Variants in PCDHA1 observed in about 807,000 individuals in gnomAD.
PCDHA1 encodes the protein protocadherin alpha 1.
In PCDHA1, 42 loss-of-function variants were observed where a neutral mutation model predicts 61.3. The observed-to-expected ratio is 0.69, with a 90% CI of 0.54 to 0.89. The LOEUF (loss-of-function observed/expected upper bound fraction) is 0.89, where lower values mean the gene tolerates loss of function less well. Among genes scored for constraint, PCDHA1 ranks in the 40% least tolerant of loss-of-function variants. The pLI is 0.00. For missense variants in PCDHA1, 1,256 were observed against 1,235.3 expected (o/e 1.02, Z -0.25); for synonymous variants, 610 against 553.8 (o/e 1.10, Z -1.43).
chr5:140,882,020 C>CA, intron 1 of PCDHA1: 1 of 561,726 alleles, frequency 1.8e-6, no homozygotes, highest in East Asian at 3.1e-5. Context: ...AATACTACAT[C>CA]AATGGAAAAT....
At chr5:140,810,700 C>T (rs1160522767) in intron 1 of PCDHA1, 3 of 151,642 alleles carry the variant, frequency 2.0e-5, no homozygotes, top group Non-Finnish European at 4.4e-5. Flanking sequence ...TTCCATAGAA[C>T]TTTATTTATT....
In PCDHA1 at chr5:140,869,909, G is replaced by A. The variant is rs781996593; in HGVS notation, c.2394+81225G>A. ...GTGCTCAAACTAAACGCCACAGACCGAGACGAAGGAGTCAATGGAGAGGTA... is the reference window on the plus strand; with the variant it reads ...GTGCTCAAACTAAACGCCACAGACCAAGACGAAGGAGTCAATGGAGAGGTA... On this transcript the variant is annotated intron_variant, in intron 1 of 3. Transcript: ENST00000504120. 2.6e-5 allele frequency: 42 copies of A among 1,610,632 alleles called. No individual in the cohort carries two copies. Among genetic ancestry groups the A allele is most frequent in the Non-Finnish European group, 3.1e-5 (36 of 1,178,298 alleles).
At chr5:140,894,405 C>T (rs1277416530) in intron 1 of PCDHA1, among the ~76,000 whole-genome samples, 4 of 151,926 alleles carry the variant, frequency 2.6e-5, no homozygotes, top group African/African-American at 9.7e-5. Flanking sequence ...CTTTGCTTTT[C>T]TTTTGTAGCT....
At chr5:140,813,517 G>T (rs1342300406) in intron 1 of PCDHA1, 1 of 152,142 alleles carries the variant, frequency 6.6e-6, no homozygotes, top group Non-Finnish European at 1.5e-5. Flanking sequence ...ACATTGTACA[G>T]ATTTTTAAAA....
rs145919251 is a variant in PCDHA1, at chr5:140,979,502, C to T, written c.2453+495C>T. On this transcript the variant is annotated intron_variant, in intron 2 of 3. Coordinates refer to ENST00000504120, the MANE Select transcript of PCDHA1 (RefSeq NM_018900.4). Reference sequence around the variant, plus strand: ...GTGTTCACACCTATTAGAGCCTCCTCATCTTTCCCATCTGTTGCTATCTTA... The same window carrying T: ...GTGTTCACACCTATTAGAGCCTCCTTATCTTTCCCATCTGTTGCTATCTTA... 1.1e-3 allele frequency among the ~76,000 whole-genome samples: 170 copies of T among 152,258 alleles called. 4 individuals are homozygous for T. In the East Asian group the frequency reaches 0.028, roughly 25 times the overall value.
chr5:140,808,345 C>T (rs1457386283), intron 1 of PCDHA1: 4 of 1,614,268 alleles, frequency 2.5e-6, no homozygotes, highest in Non-Finnish European at 3.4e-6. Context: ...GGCTGGTCAC[C>T]TGCTCCTTGA....
rs782634367 is a variant in PCDHA1 at position 140,786,572 on chromosome 5, G to T, written c.282G>T (p.Glu94Asp). ...LFVNSRIDRE[E>D]LCQWSAECSI... ...TGAATTCTCGGATCGATCGCGAGGA[G>T]CTGTGCCAGTGGAGCGCGGAGTGCA... is the stretch of plus-strand genomic sequence containing the variant. Residue 94 changes from glutamate to aspartate, a missense_variant, in exon 1 of 4, where the codon GAG becomes GAT. Coordinates refer to ENST00000504120, the MANE Select transcript of PCDHA1 (RefSeq NM_018900.4). 35 of 1,614,272 alleles carry T rather than the reference G, an allele frequency of 2.2e-5. No homozygotes were observed. The highest frequency in any genetic ancestry group is 3.0e-5 in the Non-Finnish European group (35 of 1,180,052).
rs200797202 is a variant in PCDHA1 at position 140,937,911 on chromosome 5, C to CA, written c.2395-41022dup. On this transcript the variant is annotated intron_variant, in intron 1 of 3. Coordinates refer to ENST00000504120, the MANE Select transcript of PCDHA1 (RefSeq NM_018900.4). ...TGGGCGACAGAGTGAGACTCCGTCT[C>CA]AAAAAAAAAAAAAAAAGTTTAATTT... 3.1e-3 allele frequency among the ~76,000 whole-genome samples: 361 copies of CA among 117,828 alleles called. 2 individuals are homozygous for CA. In the East Asian group the frequency reaches 0.042, roughly 14 times the overall value. 77.3% of individuals were successfully genotyped at this position (117,828 alleles called of 152,430 possible).
intron 1 of PCDHA1, chr5:140,829,589 G>A (rs1770412729): frequency 3.7e-6 from 6 of 1,611,976 alleles, no homozygotes; most frequent in Non-Finnish European, 5.1e-6. Flanking sequence ...GCGGCGGGTG[G>A]GCGAGCGCGC....
At chr5:140,898,930 G>A (rs2067050521) in intron 1 of PCDHA1, among the ~76,000 whole-genome samples, 1 of 152,054 alleles carries the variant, frequency 6.6e-6, no homozygotes, top group African/African-American at 2.4e-5. Context: ...GGATTCCTAA[G>A]TATTTTATTC....
chr5:140,909,496 G>C (rs1554193832), intron 1 of PCDHA1, among the ~76,000 whole-genome samples: 1 of 152,168 alleles, frequency 6.6e-6, no homozygotes, highest in African/African-American at 2.4e-5. Context: ...GCTGAACGGG[G>C]ATGTGGTGGG....
At position 140,897,557 on chromosome 5, in the gene PCDHA1, A is replaced by G. The variant is rs2066188249; in HGVS notation, c.2395-81392A>G. Reference sequence around the variant, plus strand: ...GGCTGCATAGTCTTCCATGGTGTATATGTGCCACATTTTCTTAATCCAGTC... The same window carrying G: ...GGCTGCATAGTCTTCCATGGTGTATGTGTGCCACATTTTCTTAATCCAGTC... On this transcript the variant is annotated intron_variant, in intron 1 of 3. Coordinates refer to ENST00000504120, the MANE Select transcript of PCDHA1 (RefSeq NM_018900.4). Among the ~76,000 whole-genome samples, 4 of 151,994 alleles carry G rather than the reference A, an allele frequency of 2.6e-5. No individual in the cohort carries two copies. The South Asian group carries it at 8.3e-4, about 32-fold the overall frequency.
intron 1 of PCDHA1, chr5:140,877,773 G>A (rs1554170103): frequency 2.5e-6 from 4 of 1,614,166 alleles, no homozygotes; most frequent in South Asian, 2.2e-5. Flanking sequence ...CGCCCAAGAC[G>A]GACCTCATGG....
intron 1 of PCDHA1, among the ~76,000 whole-genome samples, chr5:140,902,200 TTTC>T (rs1318376699): frequency 6.9e-6 from 1 of 144,634 alleles, no homozygotes; most frequent in African/African-American, 2.7e-5. Flanking sequence ...TCTCTCTCTC[TTTC>T]TTTTTTTTTT....
intron 1 of PCDHA1, chr5:140,883,245 G>A (rs267600403): frequency 6.2e-7 from 1 of 1,613,898 alleles, no homozygotes; most frequent in Non-Finnish European, 8.5e-7. Flanking sequence ...GTTGACAAAG[G>A]AAATATTCCA....
At chr5:140,933,446 C>T (rs543444309) in intron 1 of PCDHA1, among the ~76,000 whole-genome samples, 1 of 151,990 alleles carries the variant, frequency 6.6e-6, no homozygotes, top group Non-Finnish European at 1.5e-5. Flanking sequence ...AATGACATAC[C>T]TTCAAAATAT....
chr5:140,862,472 T>C (rs577275887), intron 1 of PCDHA1: 357 of 374,932 alleles, frequency 9.5e-4, no homozygotes, highest in Non-Finnish European at 1.4e-3. Context: ...AGAGCAAATC[T>C]ATCCATTGTT....
intron 1 of PCDHA1, chr5:140,883,321 C>T: frequency 6.2e-7 from 1 of 1,614,120 alleles, no homozygotes; most frequent in South Asian, 1.1e-5. Flanking sequence ...CAGAGGTTAC[C>T]ATCACTTCTT....
At chr5:140,804,826 A>T in intron 1 of PCDHA1, 1 of 380,196 alleles carries the variant, frequency 2.6e-6, no homozygotes, top group East Asian at 4.4e-5. Context: ...AACCTGGTTA[A>T]TACTCATTGA....
Sources: gnomAD v4.1 joint callset for allele counts (sites outside exome capture counted in the v4.1 genomes callset) on GRCh38, gnomAD v4.1.1 for gene constraint, MANE v1.5 for transcripts, NCBI Gene and HGNC (gene_info 2026-07-23, HGNC 2026-07-21) for gene names.